Variants in SYNRG observed in about 807,000 individuals in gnomAD.
The protein encoded by SYNRG is AP1 gamma subunit binding protein 1.
A neutral mutation model predicts 130.9 loss-of-function variants in SYNRG; 37 were observed. That is an observed-to-expected ratio of 0.28 (90% CI 0.22 to 0.37). SYNRG has a LOEUF of 0.37. Ranked by LOEUF, SYNRG falls within the 10% of genes least tolerant of loss-of-function variation. The pLI, the probability that SYNRG is intolerant of heterozygous loss-of-function variation, is 1.00. For synonymous variants in SYNRG, 539 were observed against 568.1 expected, an observed-to-expected ratio of 0.95 and a Z score of 0.73; for missense variants, 1,338 against 1,588.9, an observed-to-expected ratio of 0.84 and a Z score of 2.68.
chr17:37,602,519 A>G (rs996123568), intron 1 of SYNRG, among the ~76,000 whole-genome samples: 1 of 152,212 alleles, frequency 6.6e-6, no homozygotes, highest in Non-Finnish European at 1.5e-5. Context: ...ACCACATTTC[A>G]ACAAGGAAGT....
chr17:37,531,100 T>C (rs1283903049), intron 19 of SYNRG, among the ~76,000 whole-genome samples: 4 of 152,022 alleles, frequency 2.6e-5, no homozygotes, highest in African/African-American at 9.7e-5. Flanking sequence ...CCAGGCATGG[T>C]GGTGCATGCC....
chr17:37,555,789 C>T (rs570507857), intron 13 of SYNRG, among the ~76,000 whole-genome samples: 3 of 152,126 alleles, frequency 2.0e-5, no homozygotes, highest in Middle Eastern at 3.4e-3. Flanking sequence ...GCCTGTAATC[C>T]CAGCTACTCG....
chr17:37,599,143 T>C (rs2063039918), intron 2 of SYNRG, among the ~76,000 whole-genome samples: 1 of 152,190 alleles, frequency 6.6e-6, no homozygotes, highest in Admixed American at 6.5e-5. Flanking sequence ...AGCAAATCTA[T>C]GACAACCAAT....
intron 13 of SYNRG, among the ~76,000 whole-genome samples, chr17:37,560,053 A>G (rs564126222): frequency 6.6e-6 from 1 of 152,156 alleles, no homozygotes; most frequent in Admixed American, 6.6e-5. Context: ...GTGCACCACC[A>G]TATCTGGCTT....
intron 2 of SYNRG, among the ~76,000 whole-genome samples, chr17:37,599,561 A>G (rs2063084648): frequency 6.6e-6 from 1 of 152,158 alleles, no homozygotes; most frequent in South Asian, 2.1e-4. Flanking sequence ...TCTCTACAGA[A>G]TATTTAAAAA....
intron 11 of SYNRG, among the ~76,000 whole-genome samples, chr17:37,564,570 TCA>T (rs1207201873): frequency 6.6e-6 from 1 of 152,244 alleles, no homozygotes; most frequent in Non-Finnish European, 1.5e-5. Context: ...TGTTATTTTC[TCA>T]CAGACCAACA....
At chr17:37,606,279 G>C (rs1005862377) in intron 1 of SYNRG, among the ~76,000 whole-genome samples, 1 of 152,066 alleles carries the variant, frequency 6.6e-6, no homozygotes, top group South Asian at 2.1e-4. Flanking sequence ...TAACTCTGTG[G>C]GCCAAATGAA....
rs376166315 is a variant in SYNRG, at chr17:37,602,268, C to T, written c.78-1865G>A. ...AGGAGAATCACTTGAACCCAGGAGGCGGAGGTTGCAGTGAGCCAAGATCGC... is the reference window on the plus strand; with the variant it reads ...AGGAGAATCACTTGAACCCAGGAGGTGGAGGTTGCAGTGAGCCAAGATCGC... On this transcript the variant is annotated intron_variant, in intron 1 of 21. Transcript: ENST00000612223. 2.0e-5 allele frequency among the ~76,000 whole-genome samples: 3 copies of T among 150,800 alleles called. No homozygotes were observed. The South Asian group carries it at 6.3e-4, about 32-fold the overall frequency.
intron 6 of SYNRG, chr17:37,579,009 A>G: frequency 1.6e-6 from 1 of 644,468 alleles, no homozygotes; most frequent in Non-Finnish European, 2.0e-6. Context: ...GAATTTCAAC[A>G]GCAGTCATAC....
rs1027892798 is a variant in SYNRG at position 37,516,812 on chromosome 17, G to A, written c.*2128C>T. The A allele has an allele frequency of 2.0e-5, 3 of 151,912 alleles. No individual in the cohort carries two copies. The highest frequency in any genetic ancestry group is 6.6e-5 in the Admixed American group (1 of 15,242). 9.4% of individuals were successfully genotyped at this position (151,912 alleles called of 1,614,324 possible). On this transcript the variant is annotated 3_prime_UTR_variant, in exon 22 of 22. Transcript: ENST00000612223. Reference sequence around the variant, plus strand: ...GTCCACAGATGCACTCCACCTACCCGGCTAATTATTTTTTGTATAATTAGC... The same window carrying A: ...GTCCACAGATGCACTCCACCTACCCAGCTAATTATTTTTTGTATAATTAGC...
At chr17:37,609,150 G>A (rs2064151303) in intron 1 of SYNRG, 129 bp downstream of exon 1, 1 of 1,100,132 alleles carries the variant, frequency 9.1e-7, no homozygotes, top group Non-Finnish European at 1.2e-6. Context: ...GTCCCTGGGG[G>A]ATGACCCTCC....
chr17:37,521,335 C>T (rs2055030719), intron 19 of SYNRG, among the ~76,000 whole-genome samples: 1 of 151,982 alleles, frequency 6.6e-6, no homozygotes, highest in African/African-American at 2.4e-5. Context: ...TGGCCTGCTT[C>T]CTAGATTCTA....
chr17:37,522,134 T>TACAC (rs60928738), intron 19 of SYNRG, among the ~76,000 whole-genome samples: 22 of 145,154 alleles, frequency 1.5e-4, no homozygotes, highest in East Asian at 4.1e-4. Flanking sequence ...TCTAATTCAC[T>TACAC]ACACACACAC....
rs1410455011 is a variant in SYNRG at position 37,551,612 on chromosome 17, A to G, written c.2608+1503T>C. On this transcript the variant is annotated intron_variant, in intron 14 of 21. Transcript: ENST00000612223. ...CGGATTAGCCTCATTTCATAAAGAC[A>G]TCTACCTTGGCACTGTGAAAGAATA... Among the ~76,000 whole-genome samples, 4 of 152,308 alleles carry G rather than the reference A, an allele frequency of 2.6e-5. No homozygotes were observed. In the East Asian group the frequency reaches 5.8e-4, roughly 22 times the overall value.
chr17:37,558,809 T>C (rs1385633234), intron 13 of SYNRG, among the ~76,000 whole-genome samples: 1 of 152,226 alleles, frequency 6.6e-6, no homozygotes, highest in Non-Finnish European at 1.5e-5. Context: ...GTTTGGTTAC[T>C]GCTTCTGTTT....
intron 16 of SYNRG, 65 bp from the exon 17 acceptor site, chr17:37,539,310 G>T (rs1012076631): frequency 6.5e-7 from 1 of 1,538,004 alleles, no homozygotes; most frequent in Non-Finnish European, 9.0e-7. Flanking sequence ...TGATGACTCT[G>T]TCAATTCAAA....
intron 6 of SYNRG, 56 bp downstream of exon 6, chr17:37,584,590 CAG>C (rs2061558240): frequency 3.7e-6 from 5 of 1,357,108 alleles, no homozygotes; most frequent in Non-Finnish European, 5.3e-6. Flanking sequence ...GGTAAAGAAA[CAG>C]GGACTACATA....
chr17:37,539,083 C>T, intron 17 of SYNRG, 109 bp downstream of exon 17: 4 of 1,533,130 alleles, frequency 2.6e-6, no homozygotes. Flanking sequence ...CAGGGACATC[C>T]AAGTAAGGCT....
At chr17:37,529,669 T>C in intron 19 of SYNRG, 2 of 940,948 alleles carry the variant, frequency 2.1e-6, no homozygotes, top group Non-Finnish European at 3.2e-6. Flanking sequence ...GCACTTCACC[T>C]GGTGAGAGGA....
Sources: gnomAD v4.1 joint callset for allele counts (sites outside exome capture counted in the v4.1 genomes callset) on GRCh38, gnomAD v4.1.1 for gene constraint, MANE v1.5 for transcripts, NCBI Gene and HGNC (gene_info 2026-07-23, HGNC 2026-07-21) for gene names.